KRAS: variants seen among roughly 807,000 people sequenced by gnomAD.
KRAS encodes the protein GTPase KRas.
Under a neutral mutation model 21.0 loss-of-function variants are expected in KRAS, and 1 was observed. That is an observed-to-expected ratio of 0.05 (90% confidence interval 0.02 to 0.23). KRAS has a LOEUF of 0.23. Ranked by LOEUF, KRAS falls within the 10% of genes least tolerant of loss-of-function variation. KRAS has a pLI of 1.00. For synonymous variants in KRAS, 67 were observed against 72.5 expected (o/e 0.92, Z 0.39); for missense variants, 107 against 221.8 (o/e 0.48, Z 3.29).
chr12:25,212,739 T>C (rs564080507), intron 4 of KRAS, among the ~76,000 whole-genome samples: 1 of 152,108 alleles, frequency 6.6e-6, no homozygotes, highest in Non-Finnish European at 1.5e-5. Flanking sequence ...ATGTTTATCA[T>C]TGTCAAATTT....
intron 2 of KRAS, among the ~76,000 whole-genome samples, chr12:25,238,653 T>A (rs1239941825): frequency 6.6e-6 from 1 of 152,210 alleles, no homozygotes; most frequent in Non-Finnish European, 1.5e-5. Context: ...TGTTTCTAGA[T>A]GAAATCATAC....
chr12:25,230,343 T>C (rs1054473222), intron 2 of KRAS, among the ~76,000 whole-genome samples: 9 of 152,216 alleles, frequency 5.9e-5, no homozygotes, highest in African/African-American at 1.9e-4. Context: ...AAGACATTTA[T>C]CTTGGCCGGG....
intron 4 of KRAS, among the ~76,000 whole-genome samples, chr12:25,224,506 G>A (rs2141503176): frequency 6.6e-6 from 1 of 152,228 alleles, no homozygotes; most frequent in East Asian, 1.9e-4. Flanking sequence ...AATTTGTATA[G>A]CTGTATAATG....
intron 4 of KRAS, among the ~76,000 whole-genome samples, chr12:25,211,896 T>C (rs1258596837): frequency 6.6e-6 from 1 of 152,222 alleles, no homozygotes; most frequent in Non-Finnish European, 1.5e-5. Context: ...ATATCATTAC[T>C]GATACTACAC....
intron 4 of KRAS, among the ~76,000 whole-genome samples, chr12:25,212,813 C>G (rs1441990774): frequency 6.6e-6 from 1 of 152,084 alleles, no homozygotes; most frequent in Non-Finnish European, 1.5e-5. Context: ...GTCTTAAACT[C>G]CTGGCCTCAA....
intron 4 of KRAS, chr12:25,211,308 C>T (rs1951198387): frequency 6.6e-6 from 1 of 152,194 alleles, no homozygotes; most frequent in Admixed American, 6.5e-5. Context: ...GGTGCGGTGG[C>T]TCAAGCCTGT....
chr12:25,250,299 G>C (rs537504769), intron 1 of KRAS, among the ~76,000 whole-genome samples: 6 of 152,214 alleles, frequency 3.9e-5, no homozygotes, highest in African/African-American at 1.4e-4. Context: ...GCTGGACCGA[G>C]GCAGCCGAGT....
chr12:25,217,295 A>G (rs1375316151), intron 4 of KRAS, among the ~76,000 whole-genome samples: 2 of 152,210 alleles, frequency 1.3e-5, no homozygotes, highest in African/African-American at 4.8e-5. Flanking sequence ...AGGGCACACT[A>G]ATTTTTAGAA....
At chr12:25,244,725 C>T (rs1185345270) in intron 2 of KRAS, among the ~76,000 whole-genome samples, 1 of 151,810 alleles carries the variant, frequency 6.6e-6, no homozygotes, top group African/African-American at 2.4e-5. Context: ...TTAAAAATGA[C>T]AACAAAGCAA....
At chr12:25,245,489 CAA>C (rs1249397167) in intron 1 of KRAS, 94 bp from the exon 2 acceptor site, 6 of 1,222,702 alleles carry the variant, frequency 4.9e-6, no homozygotes, top group Non-Finnish European at 7.0e-6. Flanking sequence ...CCTTTTAATA[CAA>C]ACTCACCTTT....
At chr12:25,223,047 C>A (rs1223700796) in intron 4 of KRAS, among the ~76,000 whole-genome samples, 1 of 152,172 alleles carries the variant, frequency 6.6e-6, no homozygotes, top group African/African-American at 2.4e-5. Flanking sequence ...GAATTAGAAT[C>A]TGGATTTTAA....
intron 4 of KRAS, among the ~76,000 whole-genome samples, chr12:25,218,987 T>G (rs1951286946): frequency 6.8e-6 from 1 of 146,874 alleles, no homozygotes. Context: ...CCGCCCAGGC[T>G]GGACTGCAGT....
chr12:25,241,665 T>C (rs1399716516), intron 2 of KRAS, among the ~76,000 whole-genome samples: 3 of 152,232 alleles, frequency 2.0e-5, no homozygotes, highest in Non-Finnish European at 4.4e-5. Context: ...ATAACCCTGT[T>C]GTGGGGGCTT....
intron 4 of KRAS, among the ~76,000 whole-genome samples, chr12:25,223,444 A>G (rs1412872414): frequency 1.3e-5 from 2 of 152,202 alleles, no homozygotes; most frequent in African/African-American, 4.8e-5. Context: ...TGGTCTTTGG[A>G]ACCTGGAAAT....
At position 25,209,692 on chromosome 12, in the gene KRAS, GA is replaced by G. The variant is rs1951182402; in HGVS notation, c.*102del. ...AAAGCTAACAGTCTGCATGGAGCAG[GA>G]AAAAAATTAGGTAATGCTAAAACAA... On this transcript the variant is annotated 3_prime_UTR_variant, in exon 5 of 5. Transcript: ENST00000311936. 1 of 1,505,240 alleles carries G rather than the reference GA, an allele frequency of 6.6e-7. No individual in the cohort carries two copies. Among genetic ancestry groups the G allele is most frequent in the Non-Finnish European group, 8.9e-7 (1 of 1,126,736 alleles). The allele number at this position is 1,505,240 out of a possible 1,614,324, so 93.2% of individuals were successfully genotyped here.
At chr12:25,211,303 G>C (rs1461339007) in intron 4 of KRAS, 1 of 152,134 alleles carries the variant, frequency 6.6e-6, no homozygotes, top group African/African-American at 2.4e-5. Flanking sequence ...GGCGGGGTGC[G>C]GTGGCTCAAG....
At chr12:25,212,203 C>T (rs1296344965) in intron 4 of KRAS, among the ~76,000 whole-genome samples, 1 of 152,190 alleles carries the variant, frequency 6.6e-6, no homozygotes, top group Admixed American at 6.5e-5. Context: ...TCCCTCTGAT[C>T]ACATCCTTAT....
intron 2 of KRAS, among the ~76,000 whole-genome samples, chr12:25,238,269 A>C (rs1000879836): frequency 6.6e-6 from 1 of 152,228 alleles, no homozygotes; most frequent in Non-Finnish European, 1.5e-5. Context: ...GAAAATAACG[A>C]TATAATGAGC....
chr12:25,216,689 C>CATA (rs1410053737), intron 4 of KRAS, among the ~76,000 whole-genome samples: 1 of 152,126 alleles, frequency 6.6e-6, no homozygotes, highest in Non-Finnish European at 1.5e-5. Flanking sequence ...CATAAGAGAG[C>CATA]TATGACAACA....
Sources: allele counts gnomAD v4.1 joint callset (sites outside exome capture counted in the v4.1 genomes callset), GRCh38; gene constraint gnomAD v4.1.1; transcripts MANE v1.5; gene names NCBI Gene and HGNC (gene_info 2026-07-23, HGNC 2026-07-21).